The following CARS2 variants were observed in gnomAD, a reference collection of about 807,000 sequenced individuals.
The protein encoded by CARS2 is cysteinyl-tRNA synthetase 2, mitochondrial.
A neutral mutation model predicts 68.8 loss-of-function variants in CARS2; 52 were observed. The observed-to-expected ratio is 0.76, with a 90% CI of 0.61 to 0.95. CARS2 has a LOEUF of 0.95. CARS2 is among the 40% of genes least tolerant of loss of function. The pLI is 0.00. For synonymous variants in CARS2, 314 were observed against 303.6 expected, an observed-to-expected ratio of 1.03 and a Z score of -0.36; for missense variants, 780 against 754.2, an observed-to-expected ratio of 1.03 and a Z score of -0.40.
intron 6 of CARS2, chr13:110,678,008 C>G (rs962423865): frequency 6.6e-6 from 1 of 152,430 alleles, no homozygotes; most frequent in Non-Finnish European, 1.5e-5. Context: ...TTCGAAGGAG[C>G]CTTGGCTTCT....
chr13:110,649,660 CAAG>C (rs1315911321), intron 10 of CARS2, among the ~76,000 whole-genome samples: 5 of 152,142 alleles, frequency 3.3e-5, no homozygotes, highest in African/African-American at 1.2e-4. Flanking sequence ...GTAGGAGGGA[CAAG>C]AAGGGGGAGA....
chr13:110,649,701 C>A (rs1215766309), intron 10 of CARS2, among the ~76,000 whole-genome samples: 2 of 152,122 alleles, frequency 1.3e-5, no homozygotes, highest in Non-Finnish European at 2.9e-5. Context: ...CAGCAGCGAC[C>A]CAGGGCCTCG....
rs1411286932 is a variant in CARS2 at position 110,676,895 on chromosome 13, C to A, written c.785+79G>T. The A allele has an allele frequency of 1.4e-6, 2 of 1,440,678 alleles. No homozygotes were observed. Among genetic ancestry groups the A allele is most frequent in the Non-Finnish European group, 1.8e-6 (2 of 1,092,576 alleles). The allele number at this position is 1,440,678 out of a possible 1,614,324, so 89.2% of individuals were successfully genotyped here. On this transcript the variant is annotated intron_variant, in intron 7 of 14. Coordinates refer to ENST00000257347, the MANE Select transcript of CARS2 (RefSeq NM_024537.4). The surrounding 1 kb of genome is among the most constrained non-coding windows in gnomAD (Gnocchi z 4.0). ...CACACGTGCCAGGCTGCACCTGCTC[C>A]CATGCACATCCTCTGCTGCCCTGAG...
intron 9 of CARS2, among the ~76,000 whole-genome samples, chr13:110,660,763 C>CTTTTTTTT (rs201474441): frequency 7.5e-6 from 1 of 132,848 alleles, no homozygotes. Flanking sequence ...TAGCATAATT[C>CTTTTTTTT]TTTTTTTTTT....
upstream of CARS2, among the ~76,000 whole-genome samples, chr13:110,710,413 C>T (rs961020731): frequency 2.0e-5 from 3 of 152,102 alleles, no homozygotes; most frequent in South Asian, 6.2e-4. Flanking sequence ...ATGTTCATCT[C>T]TTATATCTGA....
intron 9 of CARS2, among the ~76,000 whole-genome samples, chr13:110,659,964 C>T (rs571926658): frequency 4.9e-4 from 75 of 152,354 alleles, no homozygotes; most frequent in African/African-American, 1.2e-3. Context: ...ATTTTACCCA[C>T]GGCAGAATGT....
At chr13:110,698,077 T>C in intron 3 of CARS2, 5 of 424,944 alleles carry the variant, frequency 1.2e-5, no homozygotes, top group Non-Finnish European at 1.9e-5. Context: ...TCCAAATCTT[T>C]AGTCACTAGT....
intron 9 of CARS2, among the ~76,000 whole-genome samples, chr13:110,662,261 T>C (rs2062525109): frequency 9.2e-6 from 1 of 109,088 alleles, no homozygotes; most frequent in South Asian, 2.7e-4. Context: ...CTCTGCGTCA[T>C]GCAACCCCGT....
chr13:110,682,367 G>A (rs72661690), intron 6 of CARS2, among the ~76,000 whole-genome samples: 12,838 of 152,218 alleles, frequency 0.084, 660 homozygotes, highest in East Asian at 0.17. Flanking sequence ...TGCGGGGAGC[G>A]GGACAGGGCA....
At chr13:110,697,437 G>A (rs1182189390) in intron 3 of CARS2, among the ~76,000 whole-genome samples, 1 of 152,190 alleles carries the variant, frequency 6.6e-6, no homozygotes, top group Non-Finnish European at 1.5e-5. Context: ...ATTCCGCTTT[G>A]GAAATTAATT....
chr13:110,642,365 C>T lies in CARS2; in HGVS notation c.1573G>A (p.Ala525Thr). 1.3e-6 allele frequency: 2 copies of T among 1,556,870 alleles called. No individual in the cohort carries two copies. Among genetic ancestry groups the T allele is most frequent in the Non-Finnish European group, 1.7e-6 (2 of 1,150,014 alleles). The change falls in exon 14 of 15, where the codon GCA becomes ACA. Residue 525 changes from alanine (A) to threonine (T), a missense_variant. Transcript: ENST00000257347. ...AGGCCCCGGCGCAGGGTGTCGCATG[C>T]TTCCAGCAGGGGCTGCCTTTCTAGG... ...QLLERQPLLEACDTLRRGLTA... is the reference protein window; with the variant it reads ...QLLERQPLLETCDTLRRGLTA...
Position 110,701,465 on chromosome 13 carries a change from A to G in CARS2, c.366T>C (p.Asp122=). Reference sequence around the variant, plus strand: ...CATTGGCTCTTTTGATGATTTTATCATCTACATCTGTAATACCCATCACCA... The same window carrying G: ...CATTGGCTCTTTTGATGATTTTATCGTCTACATCTGTAATACCCATCACCA... The part of the protein sequence containing the change: ...IVMVMGITDV[D]DKIIKRANEM... Residue 122 remains aspartate (D), a synonymous_variant, in exon 3 of 15, where the codon GAT becomes GAC. Coordinates refer to ENST00000257347, the MANE Select transcript of CARS2 (RefSeq NM_024537.4). 3 of 1,545,296 alleles carry G rather than the reference A, an allele frequency of 1.9e-6. No homozygotes were observed. The highest frequency in any genetic ancestry group is 1.4e-5 in the African/African-American group (1 of 73,680).
At chr13:110,690,512 T>C (rs756729370) in intron 3 of CARS2, among the ~76,000 whole-genome samples, 1 of 152,204 alleles carries the variant, frequency 6.6e-6, no homozygotes, top group Non-Finnish European at 1.5e-5. Flanking sequence ...TGGGGGTCCA[T>C]CATGCTGGAC....
intron 13 of CARS2, chr13:110,642,866 C>T: frequency 5.5e-6 from 3 of 544,288 alleles, no homozygotes; most frequent in Middle Eastern, 3.1e-4. Flanking sequence ...GTATCAGGAG[C>T]AACCTGAGGA....
rs549454037 is a variant in CARS2 at position 110,705,004 on chromosome 13, A to G, written c.275+517T>C. Among the ~76,000 whole-genome samples the G allele has an allele frequency of 2.0e-5, 3 of 152,304 alleles. No individual in the cohort carries two copies. Among genetic ancestry groups the G allele is most frequent in the Non-Finnish European group, 4.4e-5 (3 of 68,024 alleles). On this transcript the variant is annotated intron_variant, in intron 2 of 14. Coordinates refer to ENST00000257347, the MANE Select transcript of CARS2 (RefSeq NM_024537.4). This position sits in a 1 kb window ranked among gnomAD's most constrained non-coding sequence, Gnocchi z 4.0. ...TACCTCTTCAATGTGTCATCTTAGG[A>G]AAGTTACTCAATCACTATTGAGCCC...
intron 5 of CARS2, among the ~76,000 whole-genome samples, chr13:110,686,006 A>AAAAAG: frequency 6.7e-6 from 1 of 149,444 alleles, no homozygotes; most frequent in South Asian, 2.1e-4. Flanking sequence ...AAAAAAAAAA[A>AAAAAG]AGAGAAAAAA....
intron 7 of CARS2, 96 bp from the exon 8 acceptor site, chr13:110,667,569 A>T: frequency 9.3e-7 from 1 of 1,074,722 alleles, no homozygotes; most frequent in Non-Finnish European, 1.3e-6. Flanking sequence ...TTTTAATTCA[A>T]TGAATAAATG....
At chr13:110,645,620 T>G in intron 12 of CARS2, 1 of 205,890 alleles carries the variant, frequency 4.9e-6, no homozygotes. Context: ...GGTAAATGGG[T>G]CTTTCCTTAA....
intron 3 of CARS2, among the ~76,000 whole-genome samples, chr13:110,693,835 C>T (rs993740488): frequency 9.9e-5 from 15 of 151,980 alleles, no homozygotes; most frequent in African/African-American, 1.5e-4. Flanking sequence ...CTCTAACGAT[C>T]GTAAATCATT....
Sources: gnomAD v4.1 joint callset for allele counts (sites outside exome capture counted in the v4.1 genomes callset) on GRCh38, gnomAD v4.1.1 for gene constraint, Gnocchi (gnomAD v3.1) non-coding constraint, MANE v1.5 for transcripts, NCBI Gene and HGNC (gene_info 2026-07-23, HGNC 2026-07-21) for gene names.